Variants in CFAP61 observed in about 807,000 individuals in gnomAD.
CFAP61 encodes cilia and flagella associated protein 61.
Under a neutral mutation model 135.6 loss-of-function variants are expected in CFAP61, and 107 were observed. That is an observed-to-expected ratio of 0.79 (90% CI 0.67 to 0.93). CFAP61 has a LOEUF of 0.93. Among genes scored for constraint, CFAP61 ranks in the 40% least tolerant of loss-of-function variants. CFAP61 has a pLI of 0.00. For synonymous variants in CFAP61, 575 were observed against 578.5 expected (o/e 0.99, Z 0.09); for missense variants, 1,507 against 1,556.2 (o/e 0.97, Z 0.53).
chr20:20,282,258 AG>A (rs1363814795), intron 22 of CFAP61, among the ~76,000 whole-genome samples: 3 of 151,968 alleles, frequency 2.0e-5, no homozygotes, highest in African/African-American at 7.3e-5. Flanking sequence ...TCAATTAACC[AG>A]CTTTTGAGTT....
intron 26 of CFAP61, among the ~76,000 whole-genome samples, chr20:20,356,067 G>T (rs2059133226): frequency 7.2e-6 from 1 of 138,526 alleles, no homozygotes; most frequent in Non-Finnish European, 1.6e-5. Context: ...AGGGGAGGTA[G>T]TGACACTGTG....
At chr20:20,290,549 C>T (rs6081950) in intron 24 of CFAP61, among the ~76,000 whole-genome samples, 158 bp downstream of exon 24, 13,579 of 152,268 alleles carry the variant, frequency 0.089, 672 homozygotes, top group Non-Finnish European at 0.1. Flanking sequence ...TAGTGACTCT[C>T]GCACCTTGGT....
At chr20:20,307,832 A>C (rs1453570681) in intron 25 of CFAP61, among the ~76,000 whole-genome samples, 1 of 152,192 alleles carries the variant, frequency 6.6e-6, no homozygotes, top group Non-Finnish European at 1.5e-5. Flanking sequence ...TGTACCTCCC[A>C]GGGCACTTTA....
At chr20:20,269,265 A>G (rs2053144452) in intron 21 of CFAP61, among the ~76,000 whole-genome samples, 1 of 149,484 alleles carries the variant, frequency 6.7e-6, no homozygotes, top group Admixed American at 6.7e-5. Flanking sequence ...ATATACATAT[A>G]TATTTCATTA....
chr20:20,075,597 T>G lies in CFAP61; in HGVS notation c.548T>G (p.Leu183Arg). 2 of 1,614,144 alleles carry G rather than the reference T, an allele frequency of 1.2e-6. No individual in the cohort carries two copies. The highest frequency in any genetic ancestry group is 1.3e-5 in the African/African-American group (1 of 75,070). Residue 183 changes from leucine (L) to arginine (R), a missense_variant, in exon 6 of 27, where the codon CTG (leucine) becomes CGG (arginine). By Grantham distance (102) the Leu-to-Arg change is moderately radical (BLOSUM62 -2). Transcript: ENST00000245957. ...CACAGGCACAGCCACTATCCTCAGCTGCACGTTCGCAAAGCCAGGTACAGT... is the reference window on the plus strand; with the variant it reads ...CACAGGCACAGCCACTATCCTCAGCGGCACGTTCGCAAAGCCAGGTACAGT... ...ICHRHSHYPQ[L>R]HVRKARVEDH...
intron 7 of CFAP61, among the ~76,000 whole-genome samples, chr20:20,093,416 C>A (rs779609768): frequency 2.7e-5 from 4 of 149,270 alleles, no homozygotes; most frequent in Non-Finnish European, 5.9e-5. Flanking sequence ...ATATTAAAAA[C>A]CATTGAATTG....
chr20:20,315,388 GT>G (rs1322465465), intron 25 of CFAP61, among the ~76,000 whole-genome samples: 2 of 149,012 alleles, frequency 1.3e-5, no homozygotes, highest in African/African-American at 4.9e-5. Flanking sequence ...GGGGTTGTTT[GT>G]TTTTTTCTTG....
At chr20:20,238,787 C>A (rs1452276940) in intron 18 of CFAP61, among the ~76,000 whole-genome samples, 2 of 152,108 alleles carry the variant, frequency 1.3e-5, no homozygotes, top group African/African-American at 2.4e-5. Context: ...AAACACAATA[C>A]CTTTTACTTA....
intron 25 of CFAP61, among the ~76,000 whole-genome samples, chr20:20,338,193 C>T (rs2122352854): frequency 6.6e-6 from 1 of 152,310 alleles, no homozygotes; most frequent in Middle Eastern, 3.4e-3. Flanking sequence ...CATGGCTGAG[C>T]TTGACGTTCG....
At chr20:20,127,802 C>T (rs1600817041) in intron 8 of CFAP61, among the ~76,000 whole-genome samples, 1 of 151,536 alleles carries the variant, frequency 6.6e-6, no homozygotes, top group African/African-American at 2.4e-5. Context: ...AGGGAAGGAC[C>T]ATCAGGTAGG....
chr20:20,279,858 A>G (rs146876028), intron 22 of CFAP61, among the ~76,000 whole-genome samples: 44 of 152,152 alleles, frequency 2.9e-4, no homozygotes, highest in African/African-American at 1.0e-3. Context: ...TTTCATCTCT[A>G]TTTGAACAAT....
chr20:20,085,214 G>C (rs1334796570), intron 6 of CFAP61: 5 of 985,438 alleles, frequency 5.1e-6, no homozygotes, highest in East Asian at 1.1e-4. Context: ...CTTGCATCCT[G>C]ACTTTGACAG....
chr20:20,352,451 C>A (rs566059401), intron 26 of CFAP61, among the ~76,000 whole-genome samples: 1 of 152,268 alleles, frequency 6.6e-6, no homozygotes, highest in East Asian at 1.9e-4. Flanking sequence ...GGACACAGAG[C>A]CAAACCATAT....
chr20:20,199,571 A>T (rs140252525), intron 16 of CFAP61, among the ~76,000 whole-genome samples, 197 bp from the exon 17 acceptor site: 2 of 152,152 alleles, frequency 1.3e-5, no homozygotes, highest in East Asian at 3.9e-4. Flanking sequence ...TACTCTCGTA[A>T]TTATCTTCAT....
chr20:20,272,250 G>A (rs1000454198), intron 21 of CFAP61, among the ~76,000 whole-genome samples: 5 of 152,078 alleles, frequency 3.3e-5, no homozygotes, highest in Non-Finnish European at 7.4e-5. Context: ...TACCAGCCTG[G>A]CCAACATGGT....
intron 25 of CFAP61, among the ~76,000 whole-genome samples, chr20:20,323,869 T>C (rs1337766747): frequency 6.6e-6 from 1 of 152,242 alleles, no homozygotes; most frequent in Non-Finnish European, 1.5e-5. Flanking sequence ...CGTGCTGATT[T>C]GCAGCTTGCT....
intron 16 of CFAP61, among the ~76,000 whole-genome samples, chr20:20,199,117 T>A (rs1015100158): frequency 2.6e-5 from 4 of 152,240 alleles, no homozygotes; most frequent in African/African-American, 9.6e-5. Flanking sequence ...TTATCATAGT[T>A]CATTTCAATA....
Position 20,169,417 on chromosome 20 carries a change from C to T in CFAP61, c.1342C>T (p.Leu448Phe). The T allele has an allele frequency of 6.2e-7, 1 of 1,614,002 alleles. No individual in the cohort carries two copies. Among genetic ancestry groups the T allele is most frequent in the East Asian group, 2.2e-5 (1 of 44,868 alleles). ...AATGGTCCCTTTCAACACCTGCACC[C>T]TCGAGCAGGACCTCTACGTCTTCCA... is the stretch of plus-strand genomic sequence containing the variant. The part of the protein sequence containing the change: ...VKMVPFNTCT[L>F]EQDLYVFHRA... Residue 448 changes from leucine (L) to phenylalanine (F), a missense_variant, in exon 13 of 27, where the codon CTC becomes TTC. By Grantham distance (22) the Leu-to-Phe change is conservative (BLOSUM62 0). Coordinates refer to ENST00000245957, the MANE Select transcript of CFAP61 (RefSeq NM_015585.4).
At chr20:20,065,141 G>A (rs2045145871) in intron 2 of CFAP61, among the ~76,000 whole-genome samples, 1 of 151,904 alleles carries the variant, frequency 6.6e-6, no homozygotes, top group Admixed American at 6.6e-5. Context: ...ACCTCATGTA[G>A]TAGAAAACTT....
Sources: gnomAD v4.1 joint callset for allele counts (sites outside exome capture counted in the v4.1 genomes callset) on GRCh38, gnomAD v4.1.1 for gene constraint, MANE v1.5 for transcripts, NCBI Gene and HGNC (gene_info 2026-07-23, HGNC 2026-07-21) for gene names.